The following OBP2B variants were observed in gnomAD, a reference collection of about 807,000 sequenced individuals.
The protein encoded by OBP2B is odorant-binding protein 2b.
In OBP2B, 10 loss-of-function variants were observed where a neutral mutation model predicts 21.7. The observed-to-expected ratio is 0.46, with a 90% CI of 0.28 to 0.78. The LOEUF is 0.78. OBP2B is among the 30% of genes least tolerant of loss of function. The probability of loss-of-function intolerance (pLI) is 0.11; values close to 1 mark genes in which losing one functional copy is unlikely to be tolerated. For synonymous variants in OBP2B, 73 were observed against 91.5 expected (o/e 0.80, Z 1.16); for missense variants, 153 against 217.7 (o/e 0.70, Z 1.87).
the OBP2B span, among the ~76,000 whole-genome samples, chr9:133,221,551 G>A: frequency 3.9e-5 from 6 of 152,170 alleles, no homozygotes; most frequent in Non-Finnish European, 8.8e-5. Context: ...GCTGTGCTTG[G>A]CCACAGACGT....
chr9:133,220,546 A>G, the OBP2B span, among the ~76,000 whole-genome samples: 2 of 151,130 alleles, frequency 1.3e-5, no homozygotes, highest in Admixed American at 6.6e-5. Context: ...TGGTCCCCTG[A>G]AGATGTCCAC....
intron 6 of OBP2B, 112 bp from the exon 7 acceptor site, chr9:133,205,523 C>T (rs1833676031): frequency 8.3e-6 from 6 of 726,254 alleles, no homozygotes; most frequent in South Asian, 1.9e-5. Context: ...TGCTGGGCAA[C>T]CTCGGGGCTC....
intron 1 of OBP2B, among the ~76,000 whole-genome samples, chr9:133,208,820 T>C (rs1279790873): frequency 6.6e-6 from 1 of 151,994 alleles, no homozygotes; most frequent in Non-Finnish European, 1.5e-5. Context: ...AGGGCATGTC[T>C]GCACCCCATG....
Position 133,209,154 on chromosome 9 carries a change from G to A in OBP2B, c.46C>T (p.Leu16=), listed in dbSNP as rs1833855917. 1.9e-6 allele frequency: 3 copies of A among 1,605,586 alleles called. No homozygotes were observed. The highest frequency in any genetic ancestry group is 1.7e-6 in the Non-Finnish European group (2 of 1,176,514). ...TCCTCCTCCTCCAGGGTGAAGGACA[G>A]GGCAGCGGCCAGGCCGAGCGTGACA... The part of the protein sequence containing the change: ...LGVTLGLAAA[L]SFTLEEEDIT... Residue 16 remains leucine, a synonymous_variant, in exon 1 of 7, where the codon CTG becomes TTG. Transcript: ENST00000372034. This position sits in a 1 kb window ranked among gnomAD's most constrained non-coding sequence, Gnocchi z 6.0.
At chr9:133,211,487 C>T (rs1405792007), upstream of OBP2B, among the ~76,000 whole-genome samples, 2 of 152,338 alleles carry the variant, frequency 1.3e-5, no homozygotes, top group East Asian at 3.9e-4. Context: ...CAGCTTCCCA[C>T]CTTAAGTGCC....
chr9:133,221,740 CA>C, the OBP2B span, among the ~76,000 whole-genome samples: 3 of 152,058 alleles, frequency 2.0e-5, no homozygotes, highest in Admixed American at 6.5e-5. Flanking sequence ...AATCAGACTC[CA>C]TATTTAATAG....
chr9:133,208,371 T>A, intron 2 of OBP2B, 98 bp downstream of exon 2: 1 of 1,600,922 alleles, frequency 6.2e-7, no homozygotes, highest in South Asian at 1.1e-5. Context: ...GGGTGACTCT[T>A]CCCAACACCC....
At chr9:133,219,444 T>C in the OBP2B span, among the ~76,000 whole-genome samples, 22 of 152,270 alleles carry the variant, frequency 1.4e-4, no homozygotes, top group African/African-American at 5.1e-4. Context: ...ACTAGCCCAA[T>C]TTTAAAAAGG....
the OBP2B span, among the ~76,000 whole-genome samples, chr9:133,217,438 C>T: frequency 4.6e-5 from 7 of 152,294 alleles, no homozygotes; most frequent in African/African-American, 1.2e-4. Flanking sequence ...TAGGGAGAAG[C>T]GCCTCCTAGC....
At chr9:133,217,662 C>T in the OBP2B span, among the ~76,000 whole-genome samples, 1 of 152,226 alleles carries the variant, frequency 6.6e-6, no homozygotes, top group African/African-American at 2.4e-5. Context: ...CCCAGCCCAC[C>T]TGCCTTGGGT....
the OBP2B span, among the ~76,000 whole-genome samples, chr9:133,218,950 G>A: frequency 6.6e-6 from 1 of 152,174 alleles, no homozygotes; most frequent in East Asian, 1.9e-4. Context: ...AGAAAATGAT[G>A]TTTGGGTAAA....
chr9:133,208,026 C>T, intron 3 of OBP2B, 107 bp downstream of exon 3: 1 of 1,493,114 alleles, frequency 6.7e-7, no homozygotes, highest in Non-Finnish European at 9.0e-7. Context: ...GTGGGCAGAG[C>T]TGGGGCCCTG....
chr9:133,212,253 C>A (rs1770030281), upstream of OBP2B, among the ~76,000 whole-genome samples: 2 of 152,210 alleles, frequency 1.3e-5, no homozygotes, highest in Admixed American at 6.5e-5. Flanking sequence ...GACTTCAATA[C>A]CCTTCTCTCA....
chr9:133,220,967 CT>C, the OBP2B span, among the ~76,000 whole-genome samples: 1 of 152,156 alleles, frequency 6.6e-6, no homozygotes, highest in African/African-American at 2.4e-5. Flanking sequence ...CCTCTGGAAG[CT>C]GGAAATGGCA....
chr9:133,206,586 A>T, intron 4 of OBP2B, 170 bp from the exon 5 acceptor site: 2 of 788,010 alleles, frequency 2.5e-6, no homozygotes, highest in Non-Finnish European at 4.0e-6. Flanking sequence ...GCCACTGCCC[A>T]GCACCAGGAC....
At chr9:133,213,512 T>G (rs1381304290), upstream of OBP2B, among the ~76,000 whole-genome samples, 1 of 151,970 alleles carries the variant, frequency 6.6e-6, no homozygotes, top group East Asian at 1.9e-4. Context: ...AAGGGCTAGT[T>G]CTCTGGAAAA....
chr9:133,218,661 A>G, the OBP2B span, among the ~76,000 whole-genome samples: 30 of 152,322 alleles, frequency 2.0e-4, no homozygotes, highest in East Asian at 5.2e-3. Context: ...ATCCCTGAGA[A>G]TGGGAGCTAA....
intron 4 of OBP2B, 43 bp from the exon 5 acceptor site, chr9:133,206,459 C>T (rs1195308745): frequency 6.2e-7 from 1 of 1,608,418 alleles, no homozygotes; most frequent in East Asian, 2.2e-5. Context: ...GGGACAGCGG[C>T]ACGGCCCTGC....
chr9:133,210,893 G>A (rs1186914890), upstream of OBP2B, among the ~76,000 whole-genome samples: 2 of 152,172 alleles, frequency 1.3e-5, no homozygotes, highest in African/African-American at 2.4e-5. Context: ...TGGCAGACAT[G>A]AGGGGTGAGA....
Sources: gnomAD v4.1 joint callset for allele counts (sites outside exome capture counted in the v4.1 genomes callset) on GRCh38, gnomAD v4.1.1 for gene constraint, Gnocchi (gnomAD v3.1) non-coding constraint, MANE v1.5 for transcripts, NCBI Gene and HGNC (gene_info 2026-07-23, HGNC 2026-07-21) for gene names.